The following RGS7 variants were observed in gnomAD, a reference collection of about 807,000 sequenced individuals.
RGS7 encodes regulator of G-protein signaling 7.
Under a neutral mutation model 81.1 loss-of-function variants are expected in RGS7, and 27 were observed. The observed-to-expected ratio is 0.33, with a 90% CI of 0.25 to 0.46. RGS7 has a LOEUF of 0.46. Among genes scored for constraint, RGS7 ranks in the 20% least tolerant of loss-of-function variants. RGS7 has a pLI of 1.00. For synonymous variants in RGS7, 208 were observed against 207.7 expected (o/e 1.00, Z -0.01); for missense variants, 396 against 607.4 (o/e 0.65, Z 3.66).
rs118035924 is a variant in RGS7 at position 240,955,318 on chromosome 1, C to T, written c.227-18612G>A. On this transcript the variant is annotated intron_variant, in intron 4 of 18. Transcript: ENST00000440928. Reference sequence around the variant, plus strand: ...AAAAACAAAGTTGGCTTTAGGAGGCCGAGGCGGGCGGATCACAAGGTCAGG... The same window carrying T: ...AAAAACAAAGTTGGCTTTAGGAGGCTGAGGCGGGCGGATCACAAGGTCAGG... Among the ~76,000 whole-genome samples the T allele has an allele frequency of 4.7e-3, 718 of 152,076 alleles. 21 individuals carry two copies. Among genetic ancestry groups the T allele is most frequent in the East Asian group, 0.041 (213 of 5,168 alleles).
chr1:240,791,404 C>A (rs1685982656), intron 18 of RGS7, among the ~76,000 whole-genome samples: 1 of 152,158 alleles, frequency 6.6e-6, no homozygotes, highest in South Asian at 2.1e-4. Context: ...ACCAAGGTGT[C>A]TGTAGATATA....
intron 9 of RGS7, among the ~76,000 whole-genome samples, chr1:240,847,640 T>G (rs1490481854): frequency 2.0e-5 from 3 of 152,234 alleles, no homozygotes; most frequent in Non-Finnish European, 4.4e-5. Flanking sequence ...TCTGTCTCAC[T>G]GGATATCTTT....
At chr1:240,788,521 A>G (rs1449392156) in intron 18 of RGS7, among the ~76,000 whole-genome samples, 1 of 152,216 alleles carries the variant, frequency 6.6e-6, no homozygotes, top group African/African-American at 2.4e-5. Context: ...ACATGAAAAC[A>G]CTTGAATTGG....
At chr1:241,087,013 T>C (rs2063489992) in intron 3 of RGS7, among the ~76,000 whole-genome samples, 1 of 152,194 alleles carries the variant, frequency 6.6e-6, no homozygotes, top group Middle Eastern at 3.2e-3. Flanking sequence ...GGTTTACCTC[T>C]ATTGTGGAAA....
intron 18 of RGS7, among the ~76,000 whole-genome samples, chr1:240,785,300 G>GT (rs1395123569): frequency 1.3e-5 from 2 of 152,166 alleles, no homozygotes; most frequent in Admixed American, 6.5e-5. Context: ...GTTTGTGCAT[G>GT]TACCTGTTCA....
chr1:241,313,688 C>A (rs2080689073), intron 2 of RGS7, among the ~76,000 whole-genome samples: 1 of 152,164 alleles, frequency 6.6e-6, no homozygotes, highest in Non-Finnish European at 1.5e-5. Flanking sequence ...TGTATAATAA[C>A]ATCTATCCAT....
At chr1:241,078,932 C>T (rs1436450565) in intron 3 of RGS7, among the ~76,000 whole-genome samples, 5 of 152,178 alleles carry the variant, frequency 3.3e-5, no homozygotes, top group Non-Finnish European at 7.3e-5. Context: ...ACTCTTTCCA[C>T]TACTCAGACA....
At chr1:240,892,249 G>T (rs1277400366) in intron 6 of RGS7, among the ~76,000 whole-genome samples, 1 of 152,096 alleles carries the variant, frequency 6.6e-6, no homozygotes, top group Non-Finnish European at 1.5e-5. Flanking sequence ...TTTAGAATAT[G>T]AAATTAAAAC....
intron 18 of RGS7, among the ~76,000 whole-genome samples, chr1:240,791,363 A>C (rs1157327426): frequency 6.6e-6 from 1 of 152,228 alleles, no homozygotes; most frequent in Non-Finnish European, 1.5e-5. Context: ...GGGCTTGTGT[A>C]CAGTATCAGC....
At chr1:241,165,486 T>C (rs1183386897) in intron 2 of RGS7, among the ~76,000 whole-genome samples, 1 of 151,992 alleles carries the variant, frequency 6.6e-6, no homozygotes, top group Non-Finnish European at 1.5e-5. Flanking sequence ...TGTAGGGACA[T>C]GGATGAAATT....
chr1:241,079,219 A>G (rs1003603913), intron 3 of RGS7, among the ~76,000 whole-genome samples: 2 of 149,146 alleles, frequency 1.3e-5, no homozygotes, highest in African/African-American at 5.0e-5. Context: ...TCCACAGCCA[A>G]TGAATCGGAA....
At chr1:240,973,018 C>T (rs1006345987) in intron 4 of RGS7, among the ~76,000 whole-genome samples, 45 of 149,742 alleles carry the variant, frequency 3.0e-4, no homozygotes, top group African/African-American at 1.1e-3. Flanking sequence ...CACTGCACTC[C>T]AGCCTGGACA....
chr1:240,786,975 G>A (rs1048709352), intron 18 of RGS7, among the ~76,000 whole-genome samples: 1 of 152,058 alleles, frequency 6.6e-6, no homozygotes, highest in African/African-American at 2.4e-5. Context: ...CTGATTCAAA[G>A]TGAGAGATTT....
chr1:240,793,607 A>T (rs1458356212), intron 18 of RGS7, among the ~76,000 whole-genome samples: 4,424 of 33,594 alleles, frequency 0.13, 203 homozygotes, highest in Non-Finnish European at 0.21. Flanking sequence ...ATATATATAT[A>T]TATATTTTTT....
intron 4 of RGS7, among the ~76,000 whole-genome samples, chr1:240,962,649 C>T (rs1681659362): frequency 6.6e-6 from 1 of 152,098 alleles, no homozygotes; most frequent in South Asian, 2.1e-4. Flanking sequence ...TCTGGAAAAA[C>T]ATTAAAGGAA....
At chr1:241,063,741 T>C (rs937617057) in intron 3 of RGS7, among the ~76,000 whole-genome samples, 1 of 151,466 alleles carries the variant, frequency 6.6e-6, no homozygotes, top group African/African-American at 2.5e-5. Context: ...TACCAAGCAC[T>C]GCTCTGTTTT....
intron 2 of RGS7, among the ~76,000 whole-genome samples, chr1:241,314,018 T>A (rs1314930228): frequency 6.6e-6 from 1 of 152,128 alleles, no homozygotes; most frequent in Non-Finnish European, 1.5e-5. Context: ...TTCTTATGAA[T>A]GTGCAAAAAA....
chr1:241,024,507 A>G lies in RGS7; in HGVS notation c.176-41378T>C, dbSNP rs570241518. ...AAACATCTTTGAAGGATGATGAGCT[A>G]GTATACCAGTGACATTCTGGAATAA... On this transcript the variant is annotated intron_variant, in intron 3 of 18. Transcript: ENST00000440928. Among the ~76,000 whole-genome samples, 5 of 152,352 alleles carry G rather than the reference A, an allele frequency of 3.3e-5. No individual in the cohort carries two copies. The East Asian group carries it at 9.6e-4, about 29-fold the overall frequency.
chr1:240,976,462 T>C (rs1684076026), intron 4 of RGS7, among the ~76,000 whole-genome samples: 1 of 152,192 alleles, frequency 6.6e-6, no homozygotes, highest in South Asian at 2.1e-4. Context: ...CTAGATGTTG[T>C]TGTGAAGGTA....
Sources: allele counts gnomAD v4.1 joint callset (sites outside exome capture counted in the v4.1 genomes callset), GRCh38; gene constraint gnomAD v4.1.1; transcripts MANE v1.5; gene names NCBI Gene and HGNC (gene_info 2026-07-23, HGNC 2026-07-21).